Variants in SOX6 observed in about 807,000 individuals in gnomAD.
SOX6 encodes the protein SRY-box transcription factor 6, also known as transcription factor SOX-6.
Under a neutral mutation model 97.8 loss-of-function variants are expected in SOX6, and 11 were observed. The observed-to-expected ratio is 0.11, with a 90% confidence interval of 0.07 to 0.19. The LOEUF (loss-of-function observed/expected upper bound fraction) is 0.19. Ranked by LOEUF, SOX6 falls within the 10% of genes least tolerant of loss-of-function variation. The probability of loss-of-function intolerance (pLI) is 1.00; values close to 1 mark genes in which losing one functional copy is unlikely to be tolerated. For synonymous variants in SOX6, 360 were observed against 371.4 expected (o/e 0.97, Z 0.35); for missense variants, 810 against 1,039.5 (o/e 0.78, Z 3.04).
At chr11:16,080,790 G>A (rs1848456363) in intron 9 of SOX6, among the ~76,000 whole-genome samples, 1 of 152,028 alleles carries the variant, frequency 6.6e-6, no homozygotes, top group Non-Finnish European at 1.5e-5. Flanking sequence ...CACCATCACT[G>A]GGAACAATTA....
At position 16,632,784 on chromosome 11, in the gene SOX6, G is replaced by A. The variant is rs534250852; in HGVS notation, n.430-20524C>T. On this transcript the variant is annotated intron_variant and non_coding_transcript_variant, in intron 3 of 5. Transcript: ENST00000524520. Reference sequence around the variant, plus strand: ...AAAAGAGTGAGTGGTCCAGATGTCCGGAGATCTGCCTAGGCGTGGAGTGGA... The same window carrying A: ...AAAAGAGTGAGTGGTCCAGATGTCCAGAGATCTGCCTAGGCGTGGAGTGGA... Among the ~76,000 whole-genome samples, 102 of 152,342 alleles carry A rather than the reference G, an allele frequency of 6.7e-4. 1 individual carries two copies. Among genetic ancestry groups the A allele is most frequent in the Admixed American group, 2.2e-3 (34 of 15,304 alleles).
intron 4 of SOX6, among the ~76,000 whole-genome samples, chr11:16,566,974 G>T (rs950264416): frequency 1.3e-5 from 2 of 152,190 alleles, no homozygotes; most frequent in Non-Finnish European, 1.5e-5. Flanking sequence ...ACATATCATG[G>T]AATATTATTC....
chr11:16,549,327 G>A lies in SOX6; in HGVS notation n.609+62754C>T, dbSNP rs150742547. ...TGGTATTACAGGCATGCGCCACCAC[G>A]CCTGGCTAATTTTGTATTTTTAGTA... On this transcript the variant is annotated intron_variant and non_coding_transcript_variant, in intron 4 of 5. Transcript: ENST00000524520. 8.1e-3 allele frequency among the ~76,000 whole-genome samples: 1,237 copies of A among 152,052 alleles called. 21 individuals carry two copies. Among genetic ancestry groups the A allele is most frequent in the African/African-American group, 0.027 (1,119 of 41,456 alleles).
intron 1 of SOX6, among the ~76,000 whole-genome samples, chr11:16,437,919 G>T (rs1375056510): frequency 6.6e-6 from 1 of 152,138 alleles, no homozygotes; most frequent in Non-Finnish European, 1.5e-5. Context: ...AGTTGTTATT[G>T]TAAAAATATA....
At chr11:16,536,559 C>T (rs924643035) in intron 4 of SOX6, among the ~76,000 whole-genome samples, 5 of 152,162 alleles carry the variant, frequency 3.3e-5, no homozygotes, top group African/African-American at 4.8e-5. Flanking sequence ...CAAGGGAAGC[C>T]GTGACAGACA....
chr11:16,000,044 G>T (rs897867770), intron 13 of SOX6, among the ~76,000 whole-genome samples: 1 of 152,122 alleles, frequency 6.6e-6, no homozygotes, highest in Non-Finnish European at 1.5e-5. Context: ...ATACAACAGA[G>T]GTCCAATTCA....
At chr11:16,272,315 A>G (rs557532644) in intron 3 of SOX6, among the ~76,000 whole-genome samples, 28 of 151,778 alleles carry the variant, frequency 1.8e-4, no homozygotes, top group African/African-American at 6.5e-4. Flanking sequence ...AGGGGGGAAG[A>G]TGGTCATCTA....
intron 4 of SOX6, among the ~76,000 whole-genome samples, chr11:16,227,812 G>A (rs76800177): frequency 0.016 from 2,394 of 152,102 alleles, 59 homozygotes; most frequent in African/African-American, 0.054. Flanking sequence ...AACTTCCCTA[G>A]GTCTTTAATT....
chr11:16,071,665 C>T (rs139480447), intron 9 of SOX6, among the ~76,000 whole-genome samples: 6 of 152,278 alleles, frequency 3.9e-5, no homozygotes, highest in Non-Finnish European at 7.3e-5. Context: ...CAGGAAGGTA[C>T]AACCCAGTCT....
chr11:16,069,355 C>G (rs2133940000), intron 9 of SOX6, among the ~76,000 whole-genome samples: 1 of 152,266 alleles, frequency 6.6e-6, no homozygotes, highest in Non-Finnish European at 1.5e-5. Context: ...ATCGACTGTT[C>G]ATACATACTC....
intron 3 of SOX6, among the ~76,000 whole-genome samples, chr11:16,650,336 C>T (rs562968545): frequency 6.6e-6 from 1 of 152,216 alleles, no homozygotes; most frequent in Non-Finnish European, 1.5e-5. Context: ...ACATTCTTTT[C>T]TTCAGCACAT....
chr11:16,083,358 G>A (rs1013645698), intron 9 of SOX6, among the ~76,000 whole-genome samples: 8 of 152,118 alleles, frequency 5.3e-5, no homozygotes, highest in East Asian at 1.9e-4. Flanking sequence ...TCTTTTCATC[G>A]TGTTAGCATA....
At chr11:16,454,318 A>G (rs1047029263) in intron 1 of SOX6, among the ~76,000 whole-genome samples, 3 of 152,076 alleles carry the variant, frequency 2.0e-5, no homozygotes, top group African/African-American at 7.2e-5. Flanking sequence ...AAATTATATG[A>G]CACCTCATCA....
At chr11:16,435,163 C>G (rs12277548) in intron 1 of SOX6, among the ~76,000 whole-genome samples, 1 of 151,784 alleles carries the variant, frequency 6.6e-6, no homozygotes, top group South Asian at 2.1e-4. Context: ...CATATGAATA[C>G]CAATAATTTT....
intron 3 of SOX6, among the ~76,000 whole-genome samples, chr11:16,254,824 CAG>C (rs1253523144): frequency 6.6e-6 from 1 of 151,798 alleles, no homozygotes; most frequent in Non-Finnish European, 1.5e-5. Flanking sequence ...AATCTAAAAA[CAG>C]AGATTGTCAG....
chr11:16,349,353 A>G (rs1013785291), intron 1 of SOX6, among the ~76,000 whole-genome samples: 1 of 152,116 alleles, frequency 6.6e-6, no homozygotes, highest in South Asian at 2.1e-4. Context: ...GAGGTGGCTC[A>G]TGCCTGTAAT....
chr11:16,350,064 G>A (rs545734404), intron 1 of SOX6, among the ~76,000 whole-genome samples: 4 of 152,324 alleles, frequency 2.6e-5, no homozygotes, highest in Admixed American at 2.6e-4. Context: ...ACTACACCAG[G>A]GTGACAGTGA....
intron 13 of SOX6, among the ~76,000 whole-genome samples, chr11:15,998,566 C>A (rs2119874375): frequency 6.6e-6 from 1 of 151,788 alleles, no homozygotes; most frequent in South Asian, 2.1e-4. Context: ...TATAAGGTGA[C>A]AAACTGACTT....
At chr11:16,486,723 T>C (rs1860441447) in intron 4 of SOX6, among the ~76,000 whole-genome samples, 1 of 151,860 alleles carries the variant, frequency 6.6e-6, no homozygotes, top group Non-Finnish European at 1.5e-5. Flanking sequence ...TGGCCGAGCA[T>C]GATAGTCCCG....
Sources: allele counts gnomAD v4.1 joint callset (sites outside exome capture counted in the v4.1 genomes callset), GRCh38; gene constraint gnomAD v4.1.1; transcripts MANE v1.5; gene names NCBI Gene and HGNC (gene_info 2026-07-23, HGNC 2026-07-21).